Variants in DMD observed in about 807,000 individuals in gnomAD.
DMD encodes the protein mutant dystrophin.
In DMD, 63 loss-of-function variants were observed where a neutral mutation model predicts 330.1. The ratio of observed to expected loss-of-function variants is 0.19; its 90% CI spans 0.16 to 0.24. The LOEUF is 0.24. Among genes scored for constraint, DMD ranks in the 10% least tolerant of loss-of-function variants. The probability of loss-of-function intolerance (pLI) is 1.00; values close to 1 mark genes in which losing one functional copy is unlikely to be tolerated. For missense variants in DMD, 3,344 were observed against 2,684.1 expected (o/e 1.25, Z -5.43); for synonymous variants, 1,223 against 959.8 (o/e 1.27, Z -5.07).
chrX:31,264,848 G>C (rs2050877414), intron 62 of DMD, among the ~76,000 whole-genome samples: 2 of 112,396 alleles, frequency 1.8e-5, no homozygotes, highest in Non-Finnish European at 3.8e-5. Context: ...AGTGTGCAAG[G>C]TTATTATAAC....
Position 32,805,101 on chromosome X carries a change from G to A in DMD, c.649+4392C>T, listed in dbSNP as rs929580873. ...CCTCACCAAACAAGAGAACAAAACT[G>A]GATGGAGAATGAGTATGACGAATTG... On this transcript the variant is annotated intron_variant, in intron 7 of 78. Transcript: ENST00000357033. Among the ~76,000 whole-genome samples, 15 of 111,782 alleles carry A rather than the reference G, an allele frequency of 1.3e-4. No individual in the cohort carries two copies. The Middle Eastern group carries it at 0.014, about 104-fold the overall frequency.
intron 5 of DMD, among the ~76,000 whole-genome samples, chrX:32,821,517 G>A (rs2078248811): frequency 9.1e-6 from 1 of 109,877 alleles, no homozygotes. Context: ...GAATCCGGGA[G>A]GCGGAGCTTG....
chrX:31,539,570 T>C (rs1489260767), intron 55 of DMD, among the ~76,000 whole-genome samples: 3 of 111,739 alleles, frequency 2.7e-5, no homozygotes, highest in African/African-American at 9.8e-5. Flanking sequence ...AACTATCACA[T>C]AAAATGTAGT....
chrX:32,310,425 T>C, intron 41 of DMD, 149 bp from the exon 42 acceptor site: 3 of 482,579 alleles, frequency 6.2e-6, no homozygotes, highest in Non-Finnish European at 1.1e-5. Flanking sequence ...ATGGTAAGTC[T>C]AGTAAAACGG....
At chrX:33,166,499 A>T (rs1031409388) in intron 1 of DMD, among the ~76,000 whole-genome samples, 8 of 111,384 alleles carry the variant, frequency 7.2e-5, no homozygotes, top group African/African-American at 2.6e-4. Context: ...ATTTCTAAAA[A>T]TTGAAAGCGC....
chrX:33,300,754 C>G (rs766091471), intron 1 of DMD, among the ~76,000 whole-genome samples: 1 of 111,308 alleles, frequency 9.0e-6, no homozygotes, highest in African/African-American at 3.3e-5. Context: ...TATAAGCCAC[C>G]CTGTTTATGG....
chrX:31,142,011 A>G (rs926740698), intron 76 of DMD, among the ~76,000 whole-genome samples: 1 of 111,841 alleles, frequency 8.9e-6, no homozygotes, highest in African/African-American at 3.3e-5. Flanking sequence ...GACATTCTAC[A>G]AAACATCTAG....
chrX:33,146,867 G>A (rs1390571498), intron 1 of DMD, among the ~76,000 whole-genome samples: 3 of 110,175 alleles, frequency 2.7e-5, no homozygotes, highest in Non-Finnish European at 5.7e-5. Context: ...CTGTCACCCA[G>A]GCTGCAGTGC....
chrX:32,080,600 T>C (rs2096384598), intron 44 of DMD, among the ~76,000 whole-genome samples: 1 of 111,910 alleles, frequency 8.9e-6, no homozygotes, highest in Admixed American at 9.5e-5. Flanking sequence ...AGGGATTACA[T>C]AACAATAAGC....
chrX:32,684,034 C>T (rs1287483552), intron 9 of DMD, among the ~76,000 whole-genome samples: 2 of 97,244 alleles, frequency 2.1e-5, no homozygotes. Flanking sequence ...CACACACACA[C>T]ACACACACAC....
At chrX:32,465,287 C>A (rs1569563810) in intron 23 of DMD, among the ~76,000 whole-genome samples, 1 of 111,200 alleles carries the variant, frequency 9.0e-6, no homozygotes, top group Non-Finnish European at 1.9e-5. Flanking sequence ...TATCTCTCAC[C>A]CATGATTCTT....
intron 76 of DMD, among the ~76,000 whole-genome samples, chrX:31,145,244 C>T (rs765319770): frequency 3.8e-4 from 42 of 111,963 alleles, no homozygotes; most frequent in Middle Eastern, 4.6e-3. Flanking sequence ...TTATAGTGAC[C>T]CAATGGACTG....
chrX:31,486,199 G>A (rs1046467056), intron 57 of DMD, among the ~76,000 whole-genome samples: 7 of 112,338 alleles, frequency 6.2e-5, no homozygotes, highest in African/African-American at 1.9e-4. Context: ...CGTTATTATC[G>A]ATGCTTAAAA....
chrX:32,123,488 A>T (rs1239415172), intron 44 of DMD, among the ~76,000 whole-genome samples: 1 of 108,330 alleles, frequency 9.2e-6, no homozygotes, highest in Non-Finnish European at 1.9e-5. Flanking sequence ...GCTCTACTCC[A>T]TAGGGGGAAA....
intron 41 of DMD, among the ~76,000 whole-genome samples, chrX:32,312,551 G>T (rs763204764): frequency 3.2e-4 from 35 of 110,744 alleles, no homozygotes; most frequent in African/African-American, 1.0e-3. Flanking sequence ...TTCCTTAAAT[G>T]AAATTTCAAA....
chrX:31,250,439 C>T (rs1004590054), intron 63 of DMD, among the ~76,000 whole-genome samples: 1 of 111,707 alleles, frequency 9.0e-6, no homozygotes, highest in Non-Finnish European at 1.9e-5. Context: ...AACATTAAAC[C>T]GCATAAATAA....
chrX:32,839,684 A>G (rs1167912235), intron 4 of DMD, among the ~76,000 whole-genome samples: 1 of 111,011 alleles, frequency 9.0e-6, no homozygotes, highest in African/African-American at 3.3e-5. Flanking sequence ...GATGTTTTCC[A>G]TTTTTGTTTA....
chrX:32,310,699 AAC>A (rs2097559139), intron 41 of DMD, among the ~76,000 whole-genome samples: 1 of 110,428 alleles, frequency 9.1e-6, no homozygotes, highest in African/African-American at 3.3e-5. Context: ...TTTTATTCCT[AAC>A]ACAGGCAACT....
chrX:31,373,353 C>T (rs1212894257), intron 60 of DMD, among the ~76,000 whole-genome samples: 66 of 99,267 alleles, frequency 6.6e-4, no homozygotes, highest in African/African-American at 2.2e-3. Context: ...AAAGAGCCCG[C>T]ATCGCCAAGT....
Sources: allele counts gnomAD v4.1 joint callset (sites outside exome capture counted in the v4.1 genomes callset), GRCh38; gene constraint gnomAD v4.1.1; transcripts MANE v1.5; gene names NCBI Gene and HGNC (gene_info 2026-07-23, HGNC 2026-07-21).